The following KMT2D variants were observed in gnomAD, a reference collection of about 807,000 sequenced individuals.
KMT2D encodes the protein histone-lysine N-methyltransferase 2D.
Under a neutral mutation model 512.7 loss-of-function variants are expected in KMT2D, and 55 were observed. The observed-to-expected ratio is 0.11, with a 90% CI of 0.09 to 0.13. The LOEUF (loss-of-function observed/expected upper bound fraction) is 0.13, where lower values mean the gene tolerates loss of function less well. Ranked by LOEUF, KMT2D falls within the 10% of genes least tolerant of loss-of-function variation. The pLI, the probability that KMT2D is intolerant of heterozygous loss-of-function variation, is 1.00. For missense variants in KMT2D, 6,061 were observed against 7,127.9 expected (o/e 0.85, Z 5.39); for synonymous variants, 2,995 against 2,904.0 (o/e 1.03, Z -1.01).
intron 19 of KMT2D, among the ~76,000 whole-genome samples, chr12:49,045,450 T>C (rs1400354015): frequency 6.6e-6 from 1 of 152,132 alleles, no homozygotes; most frequent in Non-Finnish European, 1.5e-5. Context: ...GAGACCATCC[T>C]GGCTAACACG....
Position 49,046,272 on chromosome 12 carries a change from C to T in KMT2D, c.4571G>A (p.Arg1524His), listed in dbSNP as rs886049483. 6.2e-6 allele frequency: 10 copies of T among 1,613,792 alleles called. No individual in the cohort carries two copies. The highest frequency in any genetic ancestry group is 1.7e-5 in the Admixed American group (1 of 59,996). Residue 1524 changes from arginine (R) to histidine (H), a missense_variant, in exon 17 of 55, where the codon CGC becomes CAC. Physicochemically the swap from Arg to His is conservative, Grantham distance 29. Coordinates refer to ENST00000301067, the MANE Select transcript of KMT2D (RefSeq NM_003482.4). This position sits in a 1 kb window ranked among gnomAD's most constrained non-coding sequence, Gnocchi z 4.2. ...GGGATGTTCTCACCGTTCACAGTGG[C>T]GGCACTGGATTAGTAGGTCCTCTTC... ...YVEEDLLIQC[R>H]HCERWMHAGC...
In KMT2D at chr12:49,044,054, G is replaced by A. The variant is rs2120577835; in HGVS notation, c.5189-56C>T. The A allele has an allele frequency of 6.2e-7, 1 of 1,608,274 alleles. No individual in the cohort carries two copies. On this transcript the variant is annotated intron_variant, in intron 22 of 54. Coordinates refer to ENST00000301067, the MANE Select transcript of KMT2D (RefSeq NM_003482.4). The surrounding 1 kb of genome is among the most constrained non-coding windows in gnomAD (Gnocchi z 6.4). The stretch of plus-strand genomic sequence containing the variant: ...GTTGAGAGCATGCTGCTCCCAACTT[G>A]CAGGGTGACACTTTGTGCCTACTCT...
Position 49,044,662 on chromosome 12 carries a change from G to C in KMT2D, c.4963+82C>G. On this transcript the variant is annotated intron_variant, in intron 20 of 54. Coordinates refer to ENST00000301067, the MANE Select transcript of KMT2D (RefSeq NM_003482.4). The surrounding 1 kb of genome is among the most constrained non-coding windows in gnomAD (Gnocchi z 6.4). ...AGCAGTGCTTAAGGGTAACTGAGTG[G>C]CAATGTAGCCCCCACCCAACATCCC... 6.5e-7 allele frequency: 1 copy of C among 1,544,778 alleles called. No homozygotes were observed. Among genetic ancestry groups the C allele is most frequent in the Non-Finnish European group, 8.8e-7 (1 of 1,129,962 alleles).
At chr12:49,048,158 G>A in intron 14 of KMT2D, 89 bp from the exon 15 acceptor site, 1 of 865,016 alleles carries the variant, frequency 1.2e-6, no homozygotes, top group Admixed American at 2.2e-5. Context: ...ACACTGATTT[G>A]CGACCAGAGT....
intron 35 of KMT2D, among the ~76,000 whole-genome samples, chr12:49,036,792 G>A (rs540368794): frequency 9.1e-4 from 138 of 152,250 alleles, no homozygotes; most frequent in African/African-American, 2.9e-3. Flanking sequence ...GAGCCATTGT[G>A]CCTGGCCTCA....
intron 37 of KMT2D, 28 bp from the exon 38 acceptor site, chr12:49,034,504 C>A (rs2120457304): frequency 1.2e-6 from 2 of 1,612,980 alleles, no homozygotes; most frequent in South Asian, 1.1e-5. Context: ...GCTAAAGGGT[C>A]ATTGTTCCCT....
chr12:49,026,985 A>C lies in KMT2D; in HGVS notation c.14981T>G (p.Leu4994Arg), dbSNP rs1204347009. The change falls in exon 49 of 55, where the codon CTG becomes CGG. Residue 4994 changes from leucine to arginine, a missense_variant. Around this residue, in one of 16 missense-constraint regions of KMT2D, gnomAD observed 1,600 missense variants for 1,754.9 expected, o/e 0.91. Transcript: ENST00000301067. This position sits in a 1 kb window ranked among gnomAD's most constrained non-coding sequence, Gnocchi z 9.6. ...GVRWKRLRLL[L>R]TIQKGSGRQE... ...CCGCCCACTGCCCTTCTGGATGGTC[A>C]GCAGCAGCCGAAGCCGCTTCCAGCG... The C allele has an allele frequency of 5.0e-6, 8 of 1,614,036 alleles. No individual in the cohort carries two copies. Among genetic ancestry groups the C allele is most frequent in the Non-Finnish European group, 6.8e-6 (8 of 1,179,904 alleles).
At position 49,022,395 on chromosome 12, in the gene KMT2D, G is replaced by T; in HGVS notation, c.16339-42C>A. ...TGCAGAAGAAGGGACAAGAGTATCA[G>T]AGAGTGGCAGTGGTGGCTGTGGGAT... On this transcript the variant is annotated intron_variant, in intron 52 of 54. Coordinates refer to ENST00000301067, the MANE Select transcript of KMT2D (RefSeq NM_003482.4). This position sits in a 1 kb window ranked among gnomAD's most constrained non-coding sequence, Gnocchi z 8.6. 1 of 1,575,544 alleles carries T rather than the reference G, an allele frequency of 6.3e-7. No homozygotes were observed. The highest frequency in any genetic ancestry group is 8.7e-7 in the Non-Finnish European group (1 of 1,154,774).
chr12:49,030,876 G>C lies in KMT2D; in HGVS notation c.13671+17C>G, dbSNP rs765412984. The C allele has an allele frequency of 6.8e-6, 11 of 1,613,320 alleles. No homozygotes were observed. The highest frequency in any genetic ancestry group is 8.5e-6 in the Non-Finnish European group (10 of 1,179,694). On this transcript the variant is annotated intron_variant, in intron 41 of 54. Coordinates refer to ENST00000301067, the MANE Select transcript of KMT2D (RefSeq NM_003482.4). The stretch of plus-strand genomic sequence containing the variant: ...ATCCTGGGATGGGACCAGGGGGACT[G>C]TCTCCTGGGGGGTCACCTGTTTCAG...
At position 49,060,081 on chromosome 12, in the gene KMT2D, G is replaced by C. The variant is rs1321377954; in HGVS notation, c.-506C>G. Reference sequence around the variant, plus strand: ...CGCCGCCCCGCGCCTGGCCCGGATGGAACGTGAGACCCTCGCAGGAGCGCC... The same window carrying C: ...CGCCGCCCCGCGCCTGGCCCGGATGCAACGTGAGACCCTCGCAGGAGCGCC... On this transcript the variant is annotated 5_prime_UTR_variant, in exon 1 of 55. Transcript: ENST00000301067. Among the ~76,000 whole-genome samples the C allele has an allele frequency of 6.6e-6, 1 of 151,498 alleles. No homozygotes were observed.
In KMT2D at chr12:49,041,231, G is replaced by T; in HGVS notation, c.6539C>A (p.Ala2180Asp). The T allele has an allele frequency of 6.6e-7, 1 of 1,514,000 alleles. No individual in the cohort carries two copies. The highest frequency in any genetic ancestry group is 8.8e-7 in the Non-Finnish European group (1 of 1,134,926). The allele number at this position is 1,514,000 out of a possible 1,614,324, so 93.8% of individuals were successfully genotyped here. Residue 2180 changes from alanine (A) to aspartate (D), a missense_variant, in exon 32 of 55, where the codon GCC becomes GAC. This residue lies in a region of KMT2D where 710 missense variants were observed against 647.3 expected (regional missense o/e 1.10). Transcript: ENST00000301067. This position sits in a 1 kb window ranked among gnomAD's most constrained non-coding sequence, Gnocchi z 5.4. ...GCGGGGCTCCAGGGGATAGGCAGGGGCCAGTCCAAAGGGGTCCTGCGAAGG... is the reference window on the plus strand; with the variant it reads ...GCGGGGCTCCAGGGGATAGGCAGGGTCCAGTCCAAAGGGGTCCTGCGAAGG... Reference protein sequence around the residue: ...QVPSQDPFGLAPAYPLEPRFP... With the variant: ...QVPSQDPFGLDPAYPLEPRFP...
chr12:49,045,061 A>G (rs1375327905), intron 19 of KMT2D, 96 bp from the exon 20 acceptor site: 7 of 1,203,006 alleles, frequency 5.8e-6, no homozygotes, highest in Non-Finnish European at 7.2e-6. Context: ...AGACAAAGGC[A>G]GTGACAAAAG....
In KMT2D at chr12:49,040,133, G is replaced by A. The variant is rs766114622; in HGVS notation, c.7637C>T (p.Ser2546Phe). 2 of 1,613,892 alleles carry A rather than the reference G, an allele frequency of 1.2e-6. No individual in the cohort carries two copies. The highest frequency in any genetic ancestry group is 1.1e-5 in the South Asian group (1 of 91,084). The change falls in exon 32 of 55, where the codon TCC becomes TTC. Residue 2546 changes from serine to phenylalanine, a missense_variant. Around this residue, in one of 16 missense-constraint regions of KMT2D, gnomAD observed 710 missense variants for 647.3 expected, o/e 1.10. Coordinates refer to ENST00000301067, the MANE Select transcript of KMT2D (RefSeq NM_003482.4). ...AGGCTGAGGGACAGGGGGCTTTAGGGAAGGCTCCCCTACTGCCTGAGGGAA... is the reference window on the plus strand; with the variant it reads ...AGGCTGAGGGACAGGGGGCTTTAGGAAAGGCTCCCCTACTGCCTGAGGGAA... ...FTFPQAVGEP[S>F]LKPPVPQPGL...
Position 49,042,610 on chromosome 12 carries a change from G to A in KMT2D, c.5818C>T (p.Pro1940Ser), listed in dbSNP as rs2120557562. 1.2e-6 allele frequency: 2 copies of A among 1,613,804 alleles called. No homozygotes were observed. The highest frequency in any genetic ancestry group is 1.7e-6 in the Non-Finnish European group (2 of 1,179,782). Reference sequence around the variant, plus strand: ...CAGAGGCCTGGGTAGGAGTCCATTGGGCTGCTGGAGGGCAGATTGCCCAAA... The same window carrying A: ...CAGAGGCCTGGGTAGGAGTCCATTGAGCTGCTGGAGGGCAGATTGCCCAAA... ...LPLGNLPSSS[P>S]MDSYPGLCQS... is the part of the protein sequence containing the mutation. Residue 1940 changes from proline to serine, a missense_variant, in exon 28 of 55, where the codon CCA becomes TCA. This residue lies in a region of KMT2D where 640 missense variants were observed against 814.3 expected (regional missense o/e 0.79). Coordinates refer to ENST00000301067, the MANE Select transcript of KMT2D (RefSeq NM_003482.4). This position sits in a 1 kb window ranked among gnomAD's most constrained non-coding sequence, Gnocchi z 4.4.
intron 1 of KMT2D, among the ~76,000 whole-genome samples, chr12:49,057,534 C>G (rs970366453): frequency 6.6e-6 from 1 of 152,190 alleles, no homozygotes; most frequent in Non-Finnish European, 1.5e-5. Context: ...AGAGCCCATT[C>G]ATGGGGCCAT....
rs2120541286 is a variant in KMT2D at position 49,041,084 on chromosome 12, G to A, written c.6686C>T (p.Thr2229Ile). Residue 2229 changes from threonine (T) to isoleucine (I), a missense_variant, in exon 32 of 55, where the codon ACC becomes ATC. Thr to Ile is a moderately conservative substitution (Grantham distance 89). This residue lies in a region of KMT2D where 710 missense variants were observed against 647.3 expected (regional missense o/e 1.10). Coordinates refer to ENST00000301067, the MANE Select transcript of KMT2D (RefSeq NM_003482.4). The surrounding 1 kb of genome is among the most constrained non-coding windows in gnomAD (Gnocchi z 5.4). ...CTGGTGTCTGGGGGTGCCAGGTGGG[G>A]TAGTGTGGAATTCCCCTGGCTGGCC... ...GAGQPGEFHT[T>I]PPGTPRHQPS... The A allele has an allele frequency of 6.5e-7, 1 of 1,536,346 alleles. No homozygotes were observed. The highest frequency in any genetic ancestry group is 8.7e-7 in the Non-Finnish European group (1 of 1,144,982).
At chr12:49,052,798 G>A (rs1006081170) in intron 9 of KMT2D, 89 bp from the exon 10 acceptor site, 6 of 1,577,424 alleles carry the variant, frequency 3.8e-6, no homozygotes, top group Admixed American at 3.4e-5. Context: ...GAATGCTGTG[G>A]ATGGCACTGC....
chr12:49,044,537 A>G lies in KMT2D; in HGVS notation c.4964-15T>C, dbSNP rs369141400. 6.6e-5 allele frequency: 106 copies of G among 1,612,968 alleles called. No individual in the cohort carries two copies. The highest frequency in any genetic ancestry group is 8.3e-5 in the Non-Finnish European group (98 of 1,179,464). ...CTCCACACCACCTGCGTATGGTGAC[A>G]GAAGAGATGGAGGCAAATCAGAACT... On this transcript the variant is annotated splice_polypyrimidine_tract_variant and intron_variant, in intron 20 of 54. Transcript: ENST00000301067. This position sits in a 1 kb window ranked among gnomAD's most constrained non-coding sequence, Gnocchi z 6.4.
rs1943819257 is a variant in KMT2D, at chr12:49,046,966, C to T, written c.4237-176G>A. Among the ~76,000 whole-genome samples the T allele has an allele frequency of 6.6e-6, 1 of 152,110 alleles. No homozygotes were observed. On this transcript the variant is annotated intron_variant, in intron 15 of 54. Coordinates refer to ENST00000301067, the MANE Select transcript of KMT2D (RefSeq NM_003482.4). The surrounding 1 kb of genome is among the most constrained non-coding windows in gnomAD (Gnocchi z 4.2). ...GTACAAGTGATTCTCTTGTCTCAGC[C>T]TCCCAAGTAGCTGAGATTACAGGCA...
Sources: gnomAD v4.1 joint callset for allele counts (sites outside exome capture counted in the v4.1 genomes callset) on GRCh38, gnomAD v4.1.1 for gene constraint, gnomAD v4.1.1 regional missense constraint, Gnocchi (gnomAD v3.1) non-coding constraint, MANE v1.5 for transcripts, NCBI Gene and HGNC (gene_info 2026-07-23, HGNC 2026-07-21) for gene names.